Variants in LOXHD1 observed in about 807,000 individuals in gnomAD.
The protein encoded by LOXHD1 is lipoxygenase homology PLAT domains 1, also known as lipoxygenase homology domain-containing protein 1.
A neutral mutation model predicts 248.2 loss-of-function variants in LOXHD1; 205 were observed. The observed-to-expected ratio is 0.83, with a 90% confidence interval of 0.74 to 0.93. The LOEUF (loss-of-function observed/expected upper bound fraction) is 0.93. Among genes scored for constraint, LOXHD1 ranks in the 40% least tolerant of loss-of-function variants. The probability of loss-of-function intolerance (pLI) is 0.00; values close to 1 mark genes in which losing one functional copy is unlikely to be tolerated. For missense variants in LOXHD1, 2,930 were observed against 2,971.6 expected, an observed-to-expected ratio of 0.99 and a Z score of 0.33; for synonymous variants, 1,113 against 1,162.8, an observed-to-expected ratio of 0.96 and a Z score of 0.87.
intron 39 of LOXHD1, among the ~76,000 whole-genome samples, chr18:46,484,416 G>A (rs2032862873): frequency 6.6e-6 from 1 of 152,040 alleles, no homozygotes; most frequent in African/African-American, 2.4e-5. Flanking sequence ...TTTATAAAAG[G>A]GGCCCTGGAG....
rs1244117103 is a variant in LOXHD1 at position 46,565,945 on chromosome 18, A to C, written c.2437+312T>G. Among the ~76,000 whole-genome samples, 3 of 152,344 alleles carry C rather than the reference A, an allele frequency of 2.0e-5. No homozygotes were observed. In the East Asian group the frequency reaches 5.8e-4, roughly 29 times the overall value. ...CTCCTCAGCCAGTCTTCATCACAGA[A>C]GACATGAACTAGGTCTCAAACTCCT... On this transcript the variant is annotated intron_variant, in intron 17 of 40. Coordinates refer to ENST00000642948, the MANE Select transcript of LOXHD1 (RefSeq NM_001384474.1).
At chr18:46,602,420 G>A (rs112781025) in intron 7 of LOXHD1, among the ~76,000 whole-genome samples, 43 of 152,038 alleles carry the variant, frequency 2.8e-4, no homozygotes, top group African/African-American at 1.0e-3. Flanking sequence ...TGGCCAGACT[G>A]GTCTCGAACC....
chr18:46,605,005 A>T (rs2038391502), intron 6 of LOXHD1, among the ~76,000 whole-genome samples: 1 of 152,198 alleles, frequency 6.6e-6, no homozygotes, highest in African/African-American at 2.4e-5. Flanking sequence ...ACACAAAAAA[A>T]TTTATTTTAA....
chr18:46,507,616 T>TTTCACACAC lies in LOXHD1; in HGVS notation c.5605_5613dup (p.Val1869_Glu1871dup). On this transcript the variant is annotated inframe_insertion, in exon 36 of 41. Coordinates refer to ENST00000642948, the MANE Select transcript of LOXHD1 (RefSeq NM_001384474.1). ...TCTTCCTCATCGATAACGGCACACA[T>TTTCACACAC]TTCACACACCAGGGTCTTCTTGCCC... 1 of 1,551,738 alleles carries TTTCACACAC rather than the reference T, an allele frequency of 6.4e-7. No individual in the cohort carries two copies. Among genetic ancestry groups the TTTCACACAC allele is most frequent in the Non-Finnish European group, 8.7e-7 (1 of 1,146,994 alleles).
intron 5 of LOXHD1, among the ~76,000 whole-genome samples, chr18:46,615,561 G>C (rs1288842241): frequency 6.6e-6 from 1 of 152,088 alleles, no homozygotes; most frequent in African/African-American, 2.4e-5. Flanking sequence ...ATTGCCTTAT[G>C]ATCAAAGAAT....
In LOXHD1 at chr18:46,494,884, C is replaced by T. The variant is rs536596373; in HGVS notation, c.5879-5742G>A. ...TTTTTTTTTTTTTGAGACAGAGTCT[C>T]GCTCTGTCGCCCAGGCTGGAGTGCA... is the stretch of plus-strand genomic sequence containing the variant. On this transcript the variant is annotated intron_variant, in intron 37 of 40. Transcript: ENST00000642948. Among the ~76,000 whole-genome samples, 62 of 108,994 alleles carry T rather than the reference C, an allele frequency of 5.7e-4. No individual in the cohort carries two copies. The South Asian group carries it at 0.017, about 31-fold the overall frequency. The allele number at this position is 108,994 out of a possible 152,430, so 71.5% of individuals were successfully genotyped here.
intron 29 of LOXHD1, 89 bp from the exon 30 acceptor site, chr18:46,525,006 C>A: frequency 7.0e-7 from 1 of 1,427,948 alleles, no homozygotes; most frequent in Non-Finnish European, 9.6e-7. Flanking sequence ...TTCCTTCCCC[C>A]TCAGTTGCTG....
At chr18:46,581,320 T>G (rs2037957469) in intron 12 of LOXHD1, among the ~76,000 whole-genome samples, 1 of 152,172 alleles carries the variant, frequency 6.6e-6, no homozygotes, top group Admixed American at 6.5e-5. Context: ...ATCAGATAGG[T>G]AACTGCAGAA....
intron 3 of LOXHD1, 114 bp downstream of exon 3, chr18:46,641,842 G>A: frequency 2.8e-6 from 3 of 1,058,274 alleles, no homozygotes; most frequent in South Asian, 2.9e-5. Context: ...TGGGCCTTTG[G>A]TAGCCCCTCA....
intron 8 of LOXHD1, among the ~76,000 whole-genome samples, chr18:46,600,199 A>G (rs964410084): frequency 1.3e-5 from 2 of 152,220 alleles, no homozygotes; most frequent in African/African-American, 4.8e-5. Context: ...TGGACAAATA[A>G]ATTGTAACTC....
intron 17 of LOXHD1, among the ~76,000 whole-genome samples, chr18:46,565,384 C>A (rs545946479): frequency 2.0e-5 from 3 of 152,316 alleles, no homozygotes; most frequent in Admixed American, 6.5e-5. Flanking sequence ...ATTGCTAACC[C>A]TTTATCCTGT....
intron 5 of LOXHD1, among the ~76,000 whole-genome samples, chr18:46,615,246 T>C (rs2144321721): frequency 6.6e-6 from 1 of 152,316 alleles, no homozygotes; most frequent in Admixed American, 6.5e-5. Flanking sequence ...GCTAGCCTTC[T>C]CCAATAATGT....
chr18:46,487,317 A>G (rs1568078621), intron 38 of LOXHD1, among the ~76,000 whole-genome samples: 1 of 152,188 alleles, frequency 6.6e-6, no homozygotes, highest in Non-Finnish European at 1.5e-5. Context: ...AGGGCAGCGA[A>G]TGAGTGATAC....
In LOXHD1 at chr18:46,538,331, G is replaced by C. The variant is rs757545325; in HGVS notation, c.3920C>G (p.Pro1307Arg). Residue 1307 changes from proline (P) to arginine (R), a missense_variant, in exon 26 of 41, where the codon CCT (proline) becomes CGT (arginine). Physicochemically the swap from Pro to Arg is moderately radical, Grantham distance 103. Transcript: ENST00000642948. Reference sequence around the variant, plus strand: ...ACTGGTGTAGAGGGTGATCTCGTAAGGAACAACTGAGGGTGGTGGTCAGAG... The same window carrying C: ...ACTGGTGTAGAGGGTGATCTCGTAACGAACAACTGAGGGTGGTGGTCAGAG... ...LQTRLYTPFV[P>R]YEITLYTSDV... The C allele has an allele frequency of 1.2e-5, 18 of 1,545,330 alleles. No individual in the cohort carries two copies. Among genetic ancestry groups the C allele is most frequent in the Non-Finnish European group, 1.5e-5 (17 of 1,141,620 alleles).
intron 10 of LOXHD1, among the ~76,000 whole-genome samples, chr18:46,592,865 T>A (rs1040516672): frequency 1.3e-5 from 2 of 151,972 alleles, no homozygotes; most frequent in Non-Finnish European, 2.9e-5. Context: ...CTAAAGAAGA[T>A]CCTCCAAGCA....
At chr18:46,577,572 C>T in intron 14 of LOXHD1, 135 bp downstream of exon 14, 1 of 974,244 alleles carries the variant, frequency 1.0e-6, no homozygotes, top group Admixed American at 2.7e-5. Context: ...CCAGCGAGGT[C>T]ACCTCTTTCT....
chr18:46,592,386 G>A, intron 11 of LOXHD1, 112 bp downstream of exon 11: 1 of 902,486 alleles, frequency 1.1e-6, no homozygotes, highest in Non-Finnish European at 1.7e-6. Flanking sequence ...ACCCTTTTCA[G>A]TCCCTATTCA....
At chr18:46,604,301 C>T (rs767348826) in intron 6 of LOXHD1, 72 bp from the exon 7 acceptor site, 22 of 1,526,244 alleles carry the variant, frequency 1.4e-5, no homozygotes, top group Non-Finnish European at 1.8e-5. Context: ...CTAATCCAAT[C>T]TTCCAATCAC....
In LOXHD1 at chr18:46,601,249, C is replaced by T; in HGVS notation, c.1102G>A (p.Val368Met). 1 of 1,551,686 alleles carries T rather than the reference C, an allele frequency of 6.4e-7. No individual in the cohort carries two copies. The highest frequency in any genetic ancestry group is 1.2e-5 in the South Asian group (1 of 84,064). ...CAGAACCAGCCTCTGTTGACACCCA[C>T]ATTGCCATGCCCGACGGAGACCCGA... is the stretch of plus-strand genomic sequence containing the variant. ...LSRVSVGHGN[V>M]GVNRGWFCEK... Residue 368 changes from valine (V) to methionine (M), a missense_variant, in exon 8 of 41, where the codon GTG (valine) becomes ATG (methionine). By Grantham distance (21) the Val-to-Met change is conservative. Coordinates refer to ENST00000642948, the MANE Select transcript of LOXHD1 (RefSeq NM_001384474.1).
Sources: allele counts gnomAD v4.1 joint callset (sites outside exome capture counted in the v4.1 genomes callset), GRCh38; gene constraint gnomAD v4.1.1; transcripts MANE v1.5; gene names NCBI Gene and HGNC (gene_info 2026-07-23, HGNC 2026-07-21).